The following ITGB3 variants were observed in gnomAD, a reference collection of about 807,000 sequenced individuals.
ITGB3 encodes the protein integrin beta-3.
Under a neutral mutation model 85.8 loss-of-function variants are expected in ITGB3, and 48 were observed. That is an observed-to-expected ratio of 0.56 (90% CI 0.44 to 0.71). The LOEUF (loss-of-function observed/expected upper bound fraction) is 0.71. Ranked by LOEUF, ITGB3 falls within the 30% of genes least tolerant of loss-of-function variation. The pLI is 0.00. For missense variants in ITGB3, 861 were observed against 1,019.1 expected (o/e 0.84, Z 2.11); for synonymous variants, 363 against 395.6 (o/e 0.92, Z 0.98).
intron 12 of ITGB3, 115 bp downstream of exon 12, chr17:47,300,693 G>A (rs1279564869): frequency 2.6e-6 from 2 of 778,476 alleles, no homozygotes; most frequent in Non-Finnish European, 4.4e-6. Flanking sequence ...CTACCTCAGG[G>A]AATGTTGTGC....
rs375405685 is a variant in ITGB3 at position 47,292,107 on chromosome 17, T to A, written c.1261-32T>A. On this transcript the variant is annotated intron_variant, in intron 9 of 14. Transcript: ENST00000559488. ...AGCTGGAGTGTTAACTGGGCCCAACTGTGTCTAAATACAATCTTTCTTTCC... is the reference window on the plus strand; with the variant it reads ...AGCTGGAGTGTTAACTGGGCCCAACAGTGTCTAAATACAATCTTTCTTTCC... 50 of 1,611,844 alleles carry A rather than the reference T, an allele frequency of 3.1e-5. No homozygotes were observed. The African/African-American group carries it at 6.7e-4, about 21-fold the overall frequency.
At chr17:47,254,624 A>T (rs1357355919) in intron 1 of ITGB3, among the ~76,000 whole-genome samples, 1 of 152,062 alleles carries the variant, frequency 6.6e-6, no homozygotes, top group Non-Finnish European at 1.5e-5. Flanking sequence ...TCTCTAGTGT[A>T]TTCGGGGAGC....
At chr17:47,263,269 A>G (rs2065014636) in intron 1 of ITGB3, among the ~76,000 whole-genome samples, 3 of 152,114 alleles carry the variant, frequency 2.0e-5, no homozygotes, top group Non-Finnish European at 4.4e-5. Context: ...TGTCCCTGGA[A>G]TGGGCTTTAT....
In ITGB3 at chr17:47,299,337, C is replaced by T. The variant is rs748721676; in HGVS notation, c.1720C>T (p.Leu574=). The T allele has an allele frequency of 1.2e-6, 2 of 1,614,146 alleles. No homozygotes were observed. The highest frequency in any genetic ancestry group is 1.7e-6 in the Non-Finnish European group (2 of 1,180,046). ...GHGQCSCGDC[L]CDSDWTGYYC... The stretch of plus-strand genomic sequence containing the variant: ...TGGCCAGTGCAGCTGTGGGGACTGC[C>T]TGTGTGACTCCGACTGGACCGGCTA... The change falls in exon 11 of 15, where the codon CTG becomes TTG. Residue 574 remains leucine (L), a synonymous_variant. Transcript: ENST00000559488. This position sits in a 1 kb window ranked among gnomAD's most constrained non-coding sequence, Gnocchi z 5.1.
Position 47,291,105 on chromosome 17 carries a change from A to C in ITGB3, c.1260+17A>C, listed in dbSNP as rs750886581. 9.9e-6 allele frequency: 16 copies of C among 1,613,888 alleles called. No individual in the cohort carries two copies. The African/African-American group carries it at 2.1e-4, about 22-fold the overall frequency. On this transcript the variant is annotated intron_variant, in intron 9 of 14. Coordinates refer to ENST00000559488, the MANE Select transcript of ITGB3 (RefSeq NM_000212.3). The stretch of plus-strand genomic sequence containing the variant: ...GGAGACACGGTGAGGTGGGCTGGGC[A>C]GGGCCTTTGTCCTGGAGCATCTGTG...
intron 1 of ITGB3, among the ~76,000 whole-genome samples, chr17:47,265,305 G>T (rs970548717): frequency 6.6e-5 from 10 of 152,080 alleles, no homozygotes; most frequent in African/African-American, 2.4e-4. Context: ...TAGGGCTGTT[G>T]TAACAAAGCA....
rs541835356 is a variant in ITGB3 at position 47,311,708 on chromosome 17, T to C, written c.*1504T>C. On this transcript the variant is annotated 3_prime_UTR_variant, in exon 15 of 15. Transcript: ENST00000559488. ...TCCTGAGGAAGAGGGACTGTTCTTT[T>C]GTCCCAGAAAAGCAGTGGCTCCATT... 9 of 152,296 alleles carry C rather than the reference T, an allele frequency of 5.9e-5. No homozygotes were observed. Among genetic ancestry groups the C allele is most frequent in the Non-Finnish European group, 8.8e-5 (6 of 68,020 alleles). The allele number at this position is 152,296 out of a possible 1,614,324, so 9.4% of individuals were successfully genotyped here.
At chr17:47,296,947 A>G (rs2065148150) in intron 10 of ITGB3, among the ~76,000 whole-genome samples, 1 of 152,212 alleles carries the variant, frequency 6.6e-6, no homozygotes, top group Non-Finnish European at 1.5e-5. Flanking sequence ...CCCTTCGCTT[A>G]AATAGTTCAG....
intron 2 of ITGB3, among the ~76,000 whole-genome samples, chr17:47,275,156 T>C (rs1241148014): frequency 1.3e-5 from 2 of 152,148 alleles, no homozygotes; most frequent in Non-Finnish European, 2.9e-5. Flanking sequence ...TCCCTTCTCT[T>C]TGATGATTGG....
chr17:47,283,407 T>C lies in ITGB3; in HGVS notation c.219T>C (p.Asp73=). The C allele has an allele frequency of 6.2e-7, 1 of 1,614,188 alleles. No homozygotes were observed. The highest frequency in any genetic ancestry group is 1.3e-5 in the African/African-American group (1 of 75,030). ...ACCTGAAGGAGAATCTGCTGAAGGA[T>C]AACTGTGCCCCAGAATCCATCGAGT... ...RCDLKENLLK[D]NCAPESIEFP... The change falls in exon 3 of 15, where the codon GAT becomes GAC. Residue 73 remains aspartate (D), a synonymous_variant. Transcript: ENST00000559488.
chr17:47,268,215 TG>T (rs1891510883), intron 1 of ITGB3, among the ~76,000 whole-genome samples: 1 of 152,028 alleles, frequency 6.6e-6, no homozygotes, highest in Non-Finnish European at 1.5e-5. Flanking sequence ...AGAGGAGATT[TG>T]GGGGGTGGGG....
chr17:47,304,518 A>G (rs2065179830), intron 13 of ITGB3, among the ~76,000 whole-genome samples: 1 of 152,252 alleles, frequency 6.6e-6, no homozygotes, highest in African/African-American at 2.4e-5. Flanking sequence ...CCCATGCAGT[A>G]TTTGGTACAC....
chr17:47,295,299 A>G (rs11079771), intron 10 of ITGB3, among the ~76,000 whole-genome samples: 3,364 of 152,226 alleles, frequency 0.022, 137 homozygotes, highest in East Asian at 0.19. Context: ...GGCTCAGGAC[A>G]GACAGGAGTG....
rs186583530 is a variant in ITGB3 at position 47,271,799 on chromosome 17, G to A, written c.80-2620G>A. Among the ~76,000 whole-genome samples, 60 of 152,236 alleles carry A rather than the reference G, an allele frequency of 3.9e-4. 1 individual carries two copies. The highest frequency in any genetic ancestry group is 1.4e-3 in the African/African-American group (58 of 41,526). ...CTTGCTCTTGTTGCCCAGGTGGAGTGCAGTGGCATGATATCGGCTCACTGT... is the reference window on the plus strand; with the variant it reads ...CTTGCTCTTGTTGCCCAGGTGGAGTACAGTGGCATGATATCGGCTCACTGT... On this transcript the variant is annotated intron_variant, in intron 1 of 14. Coordinates refer to ENST00000559488, the MANE Select transcript of ITGB3 (RefSeq NM_000212.3).
rs1411508641 is a variant in ITGB3, at chr17:47,302,724, AC to A, written c.2019del (p.Asp673GlufsTer7). 6.2e-7 allele frequency: 1 copy of A among 1,614,030 alleles called. No homozygotes were observed. The highest frequency in any genetic ancestry group is 8.5e-7 in the Non-Finnish European group (1 of 1,179,944). The stretch of plus-strand genomic sequence containing the variant: ...CCTCCATTTTCCCTACTCCCAGAGG[AC>A]ACTGGCAAGGATGCAGTGAATTGTA... ...DEIESVKELK[D>X]TGKDAVNCTY... is the part of the protein sequence containing the mutation. On this transcript the variant is annotated frameshift_variant, in exon 13 of 15. Coordinates refer to ENST00000559488, the MANE Select transcript of ITGB3 (RefSeq NM_000212.3). LOFTEE classifies it high-confidence loss of function.
chr17:47,260,335 C>G (rs1567758541), intron 1 of ITGB3, among the ~76,000 whole-genome samples: 1 of 136 alleles, frequency 7.4e-3, no homozygotes, highest in African/African-American at 0.029. Flanking sequence ...TTGCTCCTGC[C>G]CCTTCCCCAC....
intron 14 of ITGB3, among the ~76,000 whole-genome samples, chr17:47,309,463 C>G (rs2065204374): frequency 6.6e-6 from 1 of 152,192 alleles, no homozygotes; most frequent in South Asian, 2.1e-4. Flanking sequence ...TTGTCCACAT[C>G]TCCTATCACT....
At chr17:47,302,508 C>G (rs57204618) in intron 12 of ITGB3, among the ~76,000 whole-genome samples, 412 of 152,128 alleles carry the variant, frequency 2.7e-3, no homozygotes, top group African/African-American at 9.6e-3. Flanking sequence ...GATTAGGAAC[C>G]AAAAAGGGCC....
At chr17:47,302,915 T>C (rs1682918786) in intron 13 of ITGB3, 75 bp downstream of exon 13, 1 of 1,565,702 alleles carries the variant, frequency 6.4e-7, no homozygotes, top group Non-Finnish European at 8.8e-7. Flanking sequence ...GAATCTCTAC[T>C]CATCGAAGCT....
Sources: allele counts gnomAD v4.1 joint callset (sites outside exome capture counted in the v4.1 genomes callset), GRCh38; gene constraint gnomAD v4.1.1; non-coding constraint Gnocchi (gnomAD v3.1); transcripts MANE v1.5; gene names NCBI Gene and HGNC (gene_info 2026-07-23, HGNC 2026-07-21).